Variants in ANO6 observed in about 807,000 individuals in gnomAD.
ANO6 encodes the protein anoctamin 6.
In ANO6, 106 loss-of-function variants were observed where a neutral mutation model predicts 117.5. That is an observed-to-expected ratio of 0.90 (90% CI 0.77 to 1.06). ANO6 has a LOEUF of 1.06. ANO6 is among the 50% of genes least tolerant of loss of function. ANO6 has a pLI of 0.00. For synonymous variants in ANO6, 367 were observed against 385.1 expected (o/e 0.95, Z 0.55); for missense variants, 955 against 1,121.1 (o/e 0.85, Z 2.12).
intron 1 of ANO6, among the ~76,000 whole-genome samples, chr12:45,240,351 ATTTTTTTTTTTTTTTTTT>A (rs57126852): frequency 0.097 from 2,981 of 30,738 alleles, 89 homozygotes; most frequent in African/African-American, 0.2. Context: ...GCAACCCCTG[ATTTTTTTTTTTTTTTTTT>A]TTTTTTTTTT....
intron 3 of ANO6, among the ~76,000 whole-genome samples, chr12:45,332,567 A>G (rs1940703172): frequency 6.6e-6 from 1 of 151,952 alleles, no homozygotes; most frequent in Non-Finnish European, 1.5e-5. Flanking sequence ...TAATTCTGCC[A>G]CTCTGTTGGA....
rs1318688818 is a variant in ANO6, at chr12:45,403,449, G to T, written c.1793G>T (p.Gly598Val). 2 of 1,613,356 alleles carry T rather than the reference G, an allele frequency of 1.2e-6. No individual in the cohort carries two copies. The highest frequency in any genetic ancestry group is 1.7e-6 in the Non-Finnish European group (2 of 1,179,380). Residue 598 changes from glycine to valine, a missense_variant, in exon 15 of 20, where the codon GGT (glycine) becomes GTT (valine). Physicochemically the swap from Gly to Val is moderately radical, Grantham distance 109. Transcript: ENST00000320560. ...TTTTTAACCTTCTAGTGTGACCCAG[G>T]TGGCTGTCTTCTTGAACTGACAACT... ...GKYRNEECDP[G>V]GCLLELTTQL...
At chr12:45,351,557 G>A (rs1941281061) in intron 7 of ANO6, among the ~76,000 whole-genome samples, 1 of 152,164 alleles carries the variant, frequency 6.6e-6, no homozygotes, top group African/African-American at 2.4e-5. Context: ...GCAATAGGAT[G>A]GGAGGGCAGA....
chr12:45,326,277 TTGA>T (rs1466418016), intron 2 of ANO6, among the ~76,000 whole-genome samples: 1 of 152,198 alleles, frequency 6.6e-6, no homozygotes, highest in African/African-American at 2.4e-5. Flanking sequence ...ACATCTATCC[TTGA>T]TGAGAAATGA....
At chr12:45,243,786 G>A (rs977239084) in intron 1 of ANO6, among the ~76,000 whole-genome samples, 1 of 152,182 alleles carries the variant, frequency 6.6e-6, no homozygotes, top group East Asian at 1.9e-4. Flanking sequence ...CTGACCTCAG[G>A]TGATCTGCCC....
intron 10 of ANO6, among the ~76,000 whole-genome samples, chr12:45,385,366 G>C (rs1942271367): frequency 6.6e-6 from 1 of 152,186 alleles, no homozygotes; most frequent in Non-Finnish European, 1.5e-5. Context: ...GGGAGCTTCA[G>C]GGGTGGGGGC....
chr12:45,437,460 AT>A (rs879414772), intron 19 of ANO6, among the ~76,000 whole-genome samples: 73 of 152,216 alleles, frequency 4.8e-4, no homozygotes, highest in Admixed American at 8.5e-4. Context: ...CTTATTTTAA[AT>A]TTTTTTTAAT....
chr12:45,331,316 G>C lies in ANO6; in HGVS notation c.172G>C (p.Asp58His). ...ACAGGAAGAATTTAATGGAAAACCT[G>C]ACTCCCTCTTTTTTAATGATGGCCA... is the stretch of plus-strand genomic sequence containing the variant. ...PEFEEFNGKP[D>H]SLFFNDGQRR... The change falls in exon 3 of 20, where the codon GAC becomes CAC. Residue 58 changes from aspartate (D) to histidine (H), a missense_variant. Physicochemically the swap from Asp to His is moderately conservative, Grantham distance 81. Coordinates refer to ENST00000320560, the MANE Select transcript of ANO6 (RefSeq NM_001025356.3). The C allele has an allele frequency of 1.9e-6, 3 of 1,609,478 alleles. No individual in the cohort carries two copies. The highest frequency in any genetic ancestry group is 2.5e-6 in the Non-Finnish European group (3 of 1,177,670).
At position 45,429,135 on chromosome 12, in the gene ANO6, T is replaced by C; in HGVS notation, c.2557T>C (p.Ser853Pro). 6.2e-7 allele frequency: 1 copy of C among 1,613,848 alleles called. No homozygotes were observed. The highest frequency in any genetic ancestry group is 8.5e-7 in the Non-Finnish European group (1 of 1,179,910). The change falls in exon 20 of 20, where the codon TCA becomes CCA. Residue 853 changes from serine to proline, a missense_variant. Ser to Pro is a moderately conservative substitution (Grantham distance 74). Coordinates refer to ENST00000320560, the MANE Select transcript of ANO6 (RefSeq NM_001025356.3). ...HVIYSVKFFI[S>P]YAIPDVSKRT... ...CATCTACTCTGTGAAATTTTTCATT[T>C]CATATGCAATTCCCGATGTATCAAA...
chr12:45,332,802 G>T (rs1043839062), intron 3 of ANO6, among the ~76,000 whole-genome samples: 1 of 151,956 alleles, frequency 6.6e-6, no homozygotes, highest in African/African-American at 2.4e-5. Context: ...ATAGATAAAT[G>T]GTAGATAAGA....
At chr12:45,219,712 C>T (rs2408184) in intron 1 of ANO6, among the ~76,000 whole-genome samples, 25,559 of 152,046 alleles carry the variant, frequency 0.17, 3,328 homozygotes, top group East Asian at 0.37. Flanking sequence ...AAGGATAGTA[C>T]ATCTCACTAT....
At chr12:45,337,948 A>C (rs1027671059) in intron 3 of ANO6, among the ~76,000 whole-genome samples, 9 of 152,222 alleles carry the variant, frequency 5.9e-5, no homozygotes, top group African/African-American at 2.2e-4. Context: ...AAAGTATTTA[A>C]GGTCACCTAT....
intron 2 of ANO6, among the ~76,000 whole-genome samples, chr12:45,319,653 C>T (rs1368192237): frequency 6.6e-6 from 1 of 152,082 alleles, no homozygotes; most frequent in African/African-American, 2.4e-5. Context: ...GGGAGGATTC[C>T]CTCTTTTTCT....
At chr12:45,368,318 A>G (rs535328771) in intron 9 of ANO6, among the ~76,000 whole-genome samples, 60 of 152,272 alleles carry the variant, frequency 3.9e-4, no homozygotes, top group African/African-American at 1.3e-3. Flanking sequence ...CTGTGTAAGT[A>G]TTTTCCTTAA....
chr12:45,437,707 T>A (rs1176036403), intron 19 of ANO6, among the ~76,000 whole-genome samples: 1 of 152,036 alleles, frequency 6.6e-6, no homozygotes, highest in Admixed American at 6.5e-5. Flanking sequence ...GTAGCTGGGA[T>A]TACAGGTGCA....
intron 15 of ANO6, among the ~76,000 whole-genome samples, chr12:45,403,789 C>T (rs986481709): frequency 3.3e-5 from 5 of 152,158 alleles, no homozygotes; most frequent in Non-Finnish European, 5.9e-5. Context: ...AGAGTTTATA[C>T]CTACTGGGCT....
intron 3 of ANO6, among the ~76,000 whole-genome samples, chr12:45,339,037 C>T (rs1489939196): frequency 1.3e-5 from 2 of 152,090 alleles, no homozygotes; most frequent in Non-Finnish European, 2.9e-5. Flanking sequence ...AAAAGATCAT[C>T]TGTAAAGGGG....
chr12:45,420,983 C>G, intron 17 of ANO6, 88 bp from the exon 18 acceptor site: 1 of 1,399,210 alleles, frequency 7.1e-7, no homozygotes, highest in Non-Finnish European at 1.0e-6. Context: ...CGAGATCGTG[C>G]CATGCAGCCT....
rs770786537 is a variant in ANO6, at chr12:45,395,056, G to T, written c.1386+4558G>T. 3.5e-4 allele frequency among the ~76,000 whole-genome samples: 54 copies of T among 152,246 alleles called. 2 individuals are homozygous for T. The highest frequency in any genetic ancestry group is 5.4e-4 in the Non-Finnish European group (37 of 68,018). ...AAAAAATCAGTGAATCCAGGAGCTG[G>T]TTTTTTGAAAAGATCAACAAAACTG... is the stretch of plus-strand genomic sequence containing the variant. On this transcript the variant is annotated intron_variant, in intron 12 of 19. Transcript: ENST00000320560.
Sources: gnomAD v4.1 joint callset for allele counts (sites outside exome capture counted in the v4.1 genomes callset) on GRCh38, gnomAD v4.1.1 for gene constraint, MANE v1.5 for transcripts, NCBI Gene and HGNC (gene_info 2026-07-23, HGNC 2026-07-21) for gene names.